PPARG: variants seen among roughly 807,000 people sequenced by gnomAD.
PPARG encodes peroxisome proliferator-activated receptor gamma.
PPARG carries 17 observed loss-of-function variants against 39.2 expected under a neutral mutation model. That is an observed-to-expected ratio of 0.43 (90% CI 0.30 to 0.65). PPARG has a LOEUF of 0.65. Among genes scored for constraint, PPARG ranks in the 30% least tolerant of loss-of-function variants. The pLI is 0.13. For missense variants in PPARG, 406 were observed against 585.9 expected, an observed-to-expected ratio of 0.69 and a Z score of 3.17; for synonymous variants, 223 against 215.7, an observed-to-expected ratio of 1.03 and a Z score of -0.30.
At chr3:12,368,876 T>G (rs2049112544) in intron 2 of PPARG, among the ~76,000 whole-genome samples, 1 of 152,184 alleles carries the variant, frequency 6.6e-6, no homozygotes, top group African/African-American at 2.4e-5. Context: ...TGATTTTCTT[T>G]CATTCTACTT....
intron 1 of PPARG, among the ~76,000 whole-genome samples, chr3:12,294,646 G>C (rs577299187): frequency 6.6e-6 from 1 of 152,142 alleles, no homozygotes; most frequent in Non-Finnish European, 1.5e-5. Flanking sequence ...TGTAATCCCA[G>C]CACTTTGGGA....
At chr3:12,393,002 A>G (rs2050133231) in intron 5 of PPARG, among the ~76,000 whole-genome samples, 2 of 152,324 alleles carry the variant, frequency 1.3e-5, no homozygotes, top group South Asian at 4.1e-4. Flanking sequence ...GGATTATGGG[A>G]AAAACTTTAG....
chr3:12,305,450 A>C (rs1379383737), intron 1 of PPARG, among the ~76,000 whole-genome samples: 2 of 152,152 alleles, frequency 1.3e-5, no homozygotes, highest in African/African-American at 4.8e-5. Flanking sequence ...TTGACTCATA[A>C]ATTTTTGTAA....
intron 5 of PPARG, among the ~76,000 whole-genome samples, chr3:12,400,567 C>T (rs1313064668): frequency 1.3e-5 from 2 of 152,144 alleles, no homozygotes; most frequent in Non-Finnish European, 2.9e-5. Flanking sequence ...ATTTTTTTTA[C>T]CAAGATACCA....
intron 2 of PPARG, among the ~76,000 whole-genome samples, chr3:12,324,389 C>CG (rs1445583911): frequency 6.6e-6 from 1 of 151,966 alleles, no homozygotes; most frequent in African/African-American, 2.4e-5. Context: ...CCTGCTGTGC[C>CG]GGGGGGATAA....
intron 1 of PPARG, chr3:12,305,842 C>G (rs1574958190): frequency 6.6e-6 from 1 of 152,216 alleles, no homozygotes; most frequent in African/African-American, 2.4e-5. Flanking sequence ...TCTCCATTCT[C>G]TCTACCTTTA....
intron 2 of PPARG, among the ~76,000 whole-genome samples, chr3:12,342,887 G>A (rs996453719): frequency 2.6e-5 from 4 of 151,722 alleles, no homozygotes; most frequent in African/African-American, 9.7e-5. Flanking sequence ...ATGTTTCCTT[G>A]GAGGAAAGAA....
At chr3:12,417,592 C>G (rs1212486677) in intron 7 of PPARG, among the ~76,000 whole-genome samples, 9 of 152,036 alleles carry the variant, frequency 5.9e-5, no homozygotes, top group African/African-American at 2.2e-4. Context: ...ATGCTCCTGC[C>G]CCACCATCAG....
intron 7 of PPARG, among the ~76,000 whole-genome samples, chr3:12,419,009 A>G (rs1265736418): frequency 1.3e-5 from 2 of 152,152 alleles, no homozygotes; most frequent in Non-Finnish European, 2.9e-5. Context: ...CAATGGCACA[A>G]TCTCGGCTCA....
At position 12,351,694 on chromosome 3, in the gene PPARG, C is replaced by A. The variant is rs112653857; in HGVS notation, c.-8-28010C>A. 7 of 1,572,898 alleles carry A rather than the reference C, an allele frequency of 4.5e-6. No individual in the cohort carries two copies. In the African/African-American group the frequency reaches 9.5e-5, roughly 21 times the overall value. On this transcript the variant is annotated intron_variant, in intron 2 of 7. Transcript: ENST00000651735. ...CACAAGGTAAAGTTCCTTCCAGATACGGCTATTGGGGACGTGGGGGCATTT... is the reference window on the plus strand; with the variant it reads ...CACAAGGTAAAGTTCCTTCCAGATAAGGCTATTGGGGACGTGGGGGCATTT...
At chr3:12,350,579 A>T (rs894523506) in intron 2 of PPARG, among the ~76,000 whole-genome samples, 1 of 152,252 alleles carries the variant, frequency 6.6e-6, no homozygotes, top group African/African-American at 2.4e-5. Context: ...CTGCTCCCAC[A>T]TCGGTAATTT....
At chr3:12,351,831 T>C (rs1292087347) in intron 2 of PPARG, among the ~76,000 whole-genome samples, 1 of 152,214 alleles carries the variant, frequency 6.6e-6, no homozygotes, top group African/African-American at 2.4e-5. Context: ...TCGCGTTCAT[T>C]TAAAAACATG....
intron 2 of PPARG, among the ~76,000 whole-genome samples, chr3:12,348,361 C>A (rs2048385646): frequency 6.6e-6 from 1 of 152,116 alleles, no homozygotes; most frequent in Non-Finnish European, 1.5e-5. Flanking sequence ...GTTTTTATGG[C>A]TGAGTAATAT....
At chr3:12,377,190 C>T (rs2049445574) in intron 2 of PPARG, among the ~76,000 whole-genome samples, 1 of 152,186 alleles carries the variant, frequency 6.6e-6, no homozygotes, top group African/African-American at 2.4e-5. Flanking sequence ...ATGTGGCATA[C>T]ATGATATTGG....
chr3:12,386,433 G>C (rs1308007940), intron 4 of PPARG, among the ~76,000 whole-genome samples: 4 of 151,770 alleles, frequency 2.6e-5, no homozygotes, highest in African/African-American at 4.8e-5. Context: ...AAAGACCTTG[G>C]ATCATCACAA....
intron 7 of PPARG, among the ~76,000 whole-genome samples, chr3:12,423,485 G>A (rs113303080): frequency 0.025 from 3,758 of 152,230 alleles, 73 homozygotes; most frequent in Non-Finnish European, 0.034. Context: ...GGAAAGGGTC[G>A]TCTTCTCTCT....
At chr3:12,360,931 C>A (rs1254832306) in intron 2 of PPARG, among the ~76,000 whole-genome samples, 1 of 152,052 alleles carries the variant, frequency 6.6e-6, no homozygotes, top group African/African-American at 2.4e-5. Context: ...TTTCTGGTAG[C>A]TATATGCTTC....
chr3:12,333,808 C>T (rs1040059343), intron 2 of PPARG, among the ~76,000 whole-genome samples: 7 of 152,114 alleles, frequency 4.6e-5, no homozygotes, highest in East Asian at 1.9e-4. Context: ...TGTTGAGTGA[C>T]GCAGATAGGA....
intron 1 of PPARG, among the ~76,000 whole-genome samples, chr3:12,303,624 CT>C (rs1391786134): frequency 6.6e-6 from 1 of 151,912 alleles, no homozygotes; most frequent in Non-Finnish European, 1.5e-5. Context: ...ATAAATAGTC[CT>C]TCTTTGTCAA....
Sources: gnomAD v4.1 joint callset for allele counts (sites outside exome capture counted in the v4.1 genomes callset) on GRCh38, gnomAD v4.1.1 for gene constraint, MANE v1.5 for transcripts, NCBI Gene and HGNC (gene_info 2026-07-23, HGNC 2026-07-21) for gene names.